FLRT1: variants seen among roughly 807,000 people sequenced by gnomAD.
FLRT1 encodes leucine-rich repeat transmembrane protein FLRT1.
A neutral mutation model predicts 30.9 loss-of-function variants in FLRT1; 14 were observed. That is an observed-to-expected ratio of 0.45 (90% confidence interval 0.30 to 0.71). The LOEUF is 0.71. Among genes scored for constraint, FLRT1 ranks in the 30% least tolerant of loss-of-function variants. The probability of loss-of-function intolerance (pLI) is 0.08; values close to 1 mark genes in which losing one functional copy is unlikely to be tolerated. For missense variants in FLRT1, 737 were observed against 949.2 expected (o/e 0.78, Z 2.94); for synonymous variants, 368 against 430.4 (o/e 0.85, Z 1.80).
chr11:64,105,047 G>A (rs1222318561), intron 2 of FLRT1, among the ~76,000 whole-genome samples: 1 of 152,238 alleles, frequency 6.6e-6, no homozygotes, highest in Non-Finnish European at 1.5e-5. Flanking sequence ...CCAGGGCCTG[G>A]GACATTCGTC....
At chr11:64,073,654 G>C (rs565590726) in intron 1 of FLRT1, among the ~76,000 whole-genome samples, 15 of 152,246 alleles carry the variant, frequency 9.9e-5, no homozygotes, top group Non-Finnish European at 1.5e-4. Flanking sequence ...TCTGGGCCGG[G>C]AGCCTGTGAG....
At chr11:64,088,583 C>G (rs528921075) in intron 1 of FLRT1, among the ~76,000 whole-genome samples, 38 of 150,382 alleles carry the variant, frequency 2.5e-4, no homozygotes, top group Non-Finnish European at 4.6e-4. Context: ...TGGCCTGGAG[C>G]AGGTCTCTCC....
chr11:64,102,538 G>C (rs975928811), intron 1 of FLRT1, among the ~76,000 whole-genome samples: 1 of 152,228 alleles, frequency 6.6e-6, no homozygotes, highest in Non-Finnish European at 1.5e-5. Context: ...AGCAAGAAGA[G>C]CAGGTGCCGG....
chr11:64,113,461 C>A (rs1944898575), intron 2 of FLRT1, among the ~76,000 whole-genome samples: 1 of 114,066 alleles, frequency 8.8e-6, no homozygotes, highest in Non-Finnish European at 1.9e-5. Flanking sequence ...CAGGTGGATG[C>A]ATGGATTGAT....
At chr11:64,097,420 G>A (rs927538092) in intron 1 of FLRT1, among the ~76,000 whole-genome samples, 19 of 152,238 alleles carry the variant, frequency 1.2e-4, no homozygotes, top group Non-Finnish European at 8.8e-5. Flanking sequence ...GAGAAGCTCC[G>A]TCCTGGGCGA....
At chr11:64,086,600 A>C (rs1944399409) in intron 1 of FLRT1, among the ~76,000 whole-genome samples, 1 of 152,064 alleles carries the variant, frequency 6.6e-6, no homozygotes, top group Non-Finnish European at 1.5e-5. Flanking sequence ...CGGTTCTGCG[A>C]CTGGGGTGCT....
At chr11:64,068,916 G>A (rs769277138) in intron 1 of FLRT1, among the ~76,000 whole-genome samples, 2 of 152,250 alleles carry the variant, frequency 1.3e-5, no homozygotes, top group Non-Finnish European at 2.9e-5. Context: ...GGGCATCCGT[G>A]TGAACCCCCA....
intron 2 of FLRT1, among the ~76,000 whole-genome samples, chr11:64,113,968 TTGGA>T (rs1433219732): frequency 1.2e-5 from 1 of 81,608 alleles, no homozygotes; most frequent in African/African-American, 4.9e-5. Context: ...GGATGGATAA[TTGGA>T]TGGATGGATA....
intron 1 of FLRT1, among the ~76,000 whole-genome samples, chr11:64,065,521 G>A (rs1443660845): frequency 6.6e-6 from 1 of 152,170 alleles, no homozygotes. Context: ...CAGGCGCGGT[G>A]GCTCATGCCT....
intron 2 of FLRT1, among the ~76,000 whole-genome samples, chr11:64,113,962 GGATA>G (rs1944917001): frequency 6.7e-6 from 1 of 149,944 alleles, no homozygotes; most frequent in African/African-American, 2.5e-5. Flanking sequence ...ATGGATGGAT[GGATA>G]ATTGGATGGA....
chr11:64,117,467 C>G lies in FLRT1; in HGVS notation c.1200C>G (p.Ala400=). Residue 400 remains alanine (A), a synonymous_variant, in exon 3 of 3, where the codon GCC becomes GCG. Coordinates refer to ENST00000682287, the MANE Select transcript of FLRT1 (RefSeq NM_013280.5). Reference sequence around the variant, plus strand: ...CCAAGACCACGGCCAGCAACCACGCCTCTGCCACCACGCCCCAGGGTTCCC... The same window carrying G: ...CCAAGACCACGGCCAGCAACCACGCGTCTGCCACCACGCCCCAGGGTTCCC... ...AAAKTTASNH[A]SATTPQGSLF... The G allele has an allele frequency of 1.2e-6, 2 of 1,613,004 alleles. No homozygotes were observed. The highest frequency in any genetic ancestry group is 1.1e-5 in the South Asian group (1 of 91,006).
chr11:64,101,104 A>C (rs1944662741), intron 1 of FLRT1, among the ~76,000 whole-genome samples: 1 of 152,044 alleles, frequency 6.6e-6, no homozygotes, highest in Non-Finnish European at 1.5e-5. Context: ...CATGGTTCAC[A>C]GGACCACACA....
chr11:64,097,859 A>G (rs1483391492), intron 1 of FLRT1, among the ~76,000 whole-genome samples: 1 of 151,728 alleles, frequency 6.6e-6, no homozygotes, highest in Non-Finnish European at 1.5e-5. Context: ...CCAGGCTTGG[A>G]GCCCATAGCA....
chr11:64,078,981 A>T (rs1343120250), intron 1 of FLRT1, among the ~76,000 whole-genome samples: 1 of 152,180 alleles, frequency 6.6e-6, no homozygotes, highest in African/African-American at 2.4e-5. Context: ...AGACTCCGAC[A>T]AGGAACATGG....
At chr11:64,088,777 G>C (rs1273549695) in intron 1 of FLRT1, among the ~76,000 whole-genome samples, 1 of 152,172 alleles carries the variant, frequency 6.6e-6, no homozygotes, top group African/African-American at 2.4e-5. Context: ...GACAGTAAGA[G>C]ACTGAACAGA....
intron 1 of FLRT1, among the ~76,000 whole-genome samples, chr11:64,098,024 T>A (rs1213129998): frequency 6.6e-6 from 1 of 152,058 alleles, no homozygotes; most frequent in Non-Finnish European, 1.5e-5. Flanking sequence ...CTTCAACCCC[T>A]CACTGTATGA....
At position 64,082,694 on chromosome 11, in the gene FLRT1, C is replaced by T. The variant is rs1312945968; in HGVS notation, c.-1037-20500C>T. On this transcript the variant is annotated intron_variant, in intron 1 of 2. Transcript: ENST00000682287. This position sits in a 1 kb window ranked among gnomAD's most constrained non-coding sequence, Gnocchi z 4.5. Reference sequence around the variant, plus strand: ...CCCCTGTCCTGCTCCACCCTGCAGGCCCCTGGGTCTCACACAAGGAATGTG... The same window carrying T: ...CCCCTGTCCTGCTCCACCCTGCAGGTCCCTGGGTCTCACACAAGGAATGTG... 6.6e-6 allele frequency among the ~76,000 whole-genome samples: 1 copy of T among 152,144 alleles called. No homozygotes were observed. Among genetic ancestry groups the T allele is most frequent in the Non-Finnish European group, 1.5e-5 (1 of 68,002 alleles).
chr11:64,085,894 C>T (rs1944385165), intron 1 of FLRT1, among the ~76,000 whole-genome samples: 1 of 152,116 alleles, frequency 6.6e-6, no homozygotes, highest in African/African-American at 2.4e-5. Context: ...AAAGGGGGCC[C>T]TTCTCAGGGG....
chr11:64,060,937 C>CG (rs1565214433), intron 1 of FLRT1, among the ~76,000 whole-genome samples: 1 of 151,322 alleles, frequency 6.6e-6, no homozygotes, highest in East Asian at 2.0e-4. Context: ...GCATGCGCAC[C>CG]GCGGCGGCGG....
Sources: gnomAD v4.1 joint callset for allele counts (sites outside exome capture counted in the v4.1 genomes callset) on GRCh38, gnomAD v4.1.1 for gene constraint, Gnocchi (gnomAD v3.1) non-coding constraint, MANE v1.5 for transcripts, NCBI Gene and HGNC (gene_info 2026-07-23, HGNC 2026-07-21) for gene names.